Variants in EZH1 observed in about 807,000 individuals in gnomAD.
EZH1 encodes the protein histone-lysine N-methyltransferase EZH1.
A neutral mutation model predicts 100.5 loss-of-function variants in EZH1; 33 were observed. That is an observed-to-expected ratio of 0.33 (90% CI 0.25 to 0.44). EZH1 has a LOEUF of 0.44. Among genes scored for constraint, EZH1 ranks in the 20% least tolerant of loss-of-function variants. The pLI is 1.00. For synonymous variants in EZH1, 272 were observed against 313.8 expected (o/e 0.87, Z 1.41); for missense variants, 475 against 928.4 (o/e 0.51, Z 6.35).
rs758124963 is a variant in EZH1 at position 42,702,980 on chromosome 17, C to T, written c.2099-19G>A. ...ATGACCACTGCAAGCAGGATAAACC[C>T]GAGGCTAGGTTCCTACCCAACTCCA... is the stretch of plus-strand genomic sequence containing the variant. On this transcript the variant is annotated intron_variant, in intron 19 of 20. Coordinates refer to ENST00000428826, the MANE Select transcript of EZH1 (RefSeq NM_001991.5). The T allele has an allele frequency of 3.0e-5, 48 of 1,613,444 alleles. No individual in the cohort carries two copies. The highest frequency in any genetic ancestry group is 1.1e-4 in the South Asian group (10 of 91,062).
chr17:42,744,969 G>A (rs1390249564), intron 1 of EZH1, 42 bp downstream of exon 1: 6 of 1,256,256 alleles, frequency 4.8e-6, no homozygotes, highest in Admixed American at 2.6e-5. Flanking sequence ...AGGGGAGGAG[G>A]CCCGGCCCCA....
At chr17:42,705,894 A>G in intron 16 of EZH1, 113 bp downstream of exon 16, 1 of 1,096,888 alleles carries the variant, frequency 9.1e-7, no homozygotes, top group Non-Finnish European at 1.3e-6. Flanking sequence ...AGGATTTATC[A>G]AGCACTTTCA....
At position 42,708,870 on chromosome 17, in the gene EZH1, A is replaced by C; in HGVS notation, c.1534+6T>G. ...AACTGCTGAAGAATGCCCTGGTAGAACTTACCTTTCTTCAGCTGAATCTTC... is the reference window on the plus strand; with the variant it reads ...AACTGCTGAAGAATGCCCTGGTAGACCTTACCTTTCTTCAGCTGAATCTTC... On this transcript the variant is annotated splice_donor_region_variant and intron_variant, in intron 14 of 20. Transcript: ENST00000428826. 1 of 1,614,112 alleles carries C rather than the reference A, an allele frequency of 6.2e-7. No individual in the cohort carries two copies. Among genetic ancestry groups the C allele is most frequent in the Non-Finnish European group, 8.5e-7 (1 of 1,180,026 alleles).
rs759105672 is a variant in EZH1, at chr17:42,703,739, C to T, written c.2098+1G>A. The T allele has an allele frequency of 6.2e-7, 1 of 1,613,538 alleles. No individual in the cohort carries two copies. Among genetic ancestry groups the T allele is most frequent in the East Asian group, 2.2e-5 (1 of 44,886 alleles). On this transcript the variant is annotated splice_donor_variant, in intron 19 of 20. Transcript: ENST00000428826. LOFTEE classifies it high-confidence loss of function. ...CCACCTCCCAGGTTACTGGGACTCA[C>T]CTTTGGCATAACAGTTGGGATTCAC...
intron 1 of EZH1, among the ~76,000 whole-genome samples, chr17:42,734,258 T>C (rs966596292): frequency 6.6e-5 from 10 of 151,964 alleles, no homozygotes; most frequent in African/African-American, 2.4e-4. Flanking sequence ...CAGCCTGGTC[T>C]GAAACTCCTG....
chr17:42,702,589 G>A lies in EZH1; in HGVS notation c.2187C>T (p.Tyr729=). Residue 729 remains tyrosine, a synonymous_variant, in exon 21 of 21, where the codon TAC becomes TAT. Coordinates refer to ENST00000428826, the MANE Select transcript of EZH1 (RefSeq NM_001991.5). ...CGTACTTGAGAGCATCAGCTTGGCT[G>A]TACCTGTCCCAGAGCAGGGAAGAGG... The part of the protein sequence containing the change: ...AGEELFFDYR[Y]SQADALKYVG... The A allele has an allele frequency of 6.4e-7, 1 of 1,567,878 alleles. No individual in the cohort carries two copies. The highest frequency in any genetic ancestry group is 8.7e-7 in the Non-Finnish European group (1 of 1,154,458).
Position 42,707,107 on chromosome 17 carries a change from C to A in EZH1, c.1660+851G>T, listed in dbSNP as rs555168201. Among the ~76,000 whole-genome samples, 8 of 152,148 alleles carry A rather than the reference C, an allele frequency of 5.3e-5. No homozygotes were observed. In the East Asian group the frequency reaches 1.4e-3, roughly 26 times the overall value. On this transcript the variant is annotated intron_variant, in intron 15 of 20. Transcript: ENST00000428826. ...CGGATGTCTCTGCTGACATCCAGGC[C>A]CCTGTCTTCTACCTGATATTAAAAC...
intron 1 of EZH1, among the ~76,000 whole-genome samples, chr17:42,742,298 C>T (rs531904864): frequency 1.3e-5 from 2 of 152,130 alleles, no homozygotes; most frequent in South Asian, 2.1e-4. Context: ...TCCGCCACCA[C>T]GTCTGGCTAA....
At position 42,702,858 on chromosome 17, in the gene EZH1, A is replaced by G; in HGVS notation, c.2183+19T>C. On this transcript the variant is annotated intron_variant, in intron 20 of 20. Transcript: ENST00000428826. ...CCAATTCCTGGGCCACATCCCAAGG[A>G]CCATTACTGGCACCTCACCTGTAAT... 1 of 1,612,194 alleles carries G rather than the reference A, an allele frequency of 6.2e-7. No individual in the cohort carries two copies. Among genetic ancestry groups the G allele is most frequent in the Non-Finnish European group, 8.5e-7 (1 of 1,178,306 alleles).
chr17:42,730,152 CTTG>C (rs1000871843), intron 2 of EZH1, among the ~76,000 whole-genome samples: 2 of 152,172 alleles, frequency 1.3e-5, no homozygotes, highest in Admixed American at 1.3e-4. Context: ...CCTGTGGTAT[CTTG>C]TTTTTAATTT....
At chr17:42,729,006 C>G in intron 2 of EZH1, 54 bp from the exon 3 acceptor site, 1 of 1,457,702 alleles carries the variant, frequency 6.9e-7, no homozygotes, top group Non-Finnish European at 9.2e-7. Context: ...ATAAAGCATT[C>G]CTCAAATACA....
At position 42,725,144 on chromosome 17, in the gene EZH1, C is replaced by T. The variant is rs188605583; in HGVS notation, c.247-720G>A. On this transcript the variant is annotated intron_variant, in intron 4 of 20. Coordinates refer to ENST00000428826, the MANE Select transcript of EZH1 (RefSeq NM_001991.5). ...ATCACGCCACTGCACTCCAGCCTGG[C>T]GACATAGCGATACTCCGTCTCAAAA... Among the ~76,000 whole-genome samples the T allele has an allele frequency of 8.4e-4, 128 of 151,906 alleles. No individual in the cohort carries two copies. The Middle Eastern group carries it at 0.017, about 20-fold the overall frequency.
Position 42,724,441 on chromosome 17 carries a change from G to A in EZH1, c.247-17C>T. The stretch of plus-strand genomic sequence containing the variant: ...TATGGTACACTGAAATATAAGCAAT[G>A]ACATGGAGAGGGAAAGACGGGCATA... On this transcript the variant is annotated splice_polypyrimidine_tract_variant and intron_variant, in intron 4 of 20. Coordinates refer to ENST00000428826, the MANE Select transcript of EZH1 (RefSeq NM_001991.5). 2 of 1,612,256 alleles carry A rather than the reference G, an allele frequency of 1.2e-6. No homozygotes were observed. The highest frequency in any genetic ancestry group is 1.7e-6 in the Non-Finnish European group (2 of 1,178,716).
rs568551293 is a variant in EZH1, at chr17:42,706,207, G to A, written c.1661-22C>T. On this transcript the variant is annotated intron_variant, in intron 15 of 20. Coordinates refer to ENST00000428826, the MANE Select transcript of EZH1 (RefSeq NM_001991.5). The surrounding 1 kb of genome is among the most constrained non-coding windows in gnomAD (Gnocchi z 4.4). ...TGACCTGGGAAGGGAAGACAGGTAAGTCTTAGAAGGGAAATAAGCTAATAC... is the reference window on the plus strand; with the variant it reads ...TGACCTGGGAAGGGAAGACAGGTAAATCTTAGAAGGGAAATAAGCTAATAC... 4 of 1,590,114 alleles carry A rather than the reference G, an allele frequency of 2.5e-6. No homozygotes were observed. The African/African-American group carries it at 5.4e-5, about 21-fold the overall frequency.
chr17:42,735,178 A>G (rs1214940058), intron 1 of EZH1, among the ~76,000 whole-genome samples: 2 of 151,870 alleles, frequency 1.3e-5, no homozygotes, highest in Non-Finnish European at 2.9e-5. Context: ...TCATCCCAAC[A>G]CTTTGGGAGG....
chr17:42,706,067 C>A lies in EZH1; in HGVS notation c.1779G>T (p.Glu593Asp). The A allele has an allele frequency of 6.2e-7, 1 of 1,614,084 alleles. No individual in the cohort carries two copies. Among genetic ancestry groups the A allele is most frequent in the Middle Eastern group, 1.7e-4 (1 of 6,056 alleles). Residue 593 changes from glutamate to aspartate, a missense_variant, in exon 16 of 21, where the codon GAG (glutamate) becomes GAT (aspartate). Around this residue, in one of 8 missense-constraint regions of EZH1, gnomAD observed 23 missense variants for 31.9 expected, o/e 0.72. Coordinates refer to ENST00000428826, the MANE Select transcript of EZH1 (RefSeq NM_001991.5). The surrounding 1 kb of genome is among the most constrained non-coding windows in gnomAD (Gnocchi z 4.4). ...AGGAAACCACCTTGCAGTCCCAGTG[C>A]TCTGAGGCCCCACAGGTGAGACACA... ...PDLCLTCGASEHWDCKVVSCK... is the reference protein window; with the variant it reads ...PDLCLTCGASDHWDCKVVSCK...
At chr17:42,713,167 C>T (rs1193996104) in intron 11 of EZH1, 42 bp downstream of exon 11, 3 of 1,597,216 alleles carry the variant, frequency 1.9e-6, no homozygotes, top group East Asian at 2.3e-5. Flanking sequence ...TACCAGAGTC[C>T]TTGCATGGAA....
chr17:42,733,810 G>A (rs1163849810), intron 1 of EZH1, among the ~76,000 whole-genome samples: 2 of 150,726 alleles, frequency 1.3e-5, no homozygotes, highest in Non-Finnish European at 3.0e-5. Context: ...GCATGGTGGC[G>A]GGTGCCTGTA....
chr17:42,727,540 G>A, intron 4 of EZH1, 95 bp downstream of exon 4: 1 of 1,436,830 alleles, frequency 7.0e-7, no homozygotes, highest in Non-Finnish European at 9.4e-7. Flanking sequence ...ACCATACCTT[G>A]TCTTACTTAT....
Sources: gnomAD v4.1 joint callset for allele counts (sites outside exome capture counted in the v4.1 genomes callset) on GRCh38, gnomAD v4.1.1 for gene constraint, gnomAD v4.1.1 regional missense constraint, Gnocchi (gnomAD v3.1) non-coding constraint, MANE v1.5 for transcripts, NCBI Gene and HGNC (gene_info 2026-07-23, HGNC 2026-07-21) for gene names.